PCDHAC1: variants seen among roughly 807,000 people sequenced by gnomAD.
The protein encoded by PCDHAC1 is protocadherin alpha-C1.
In PCDHAC1, 42 loss-of-function variants were observed where a neutral mutation model predicts 60.0. That is an observed-to-expected ratio of 0.70 (90% CI 0.55 to 0.90). The LOEUF (loss-of-function observed/expected upper bound fraction) is 0.90. PCDHAC1 is among the 40% of genes least tolerant of loss of function. The probability of loss-of-function intolerance (pLI) is 0.00; values close to 1 mark genes in which losing one functional copy is unlikely to be tolerated. For missense variants in PCDHAC1, 1,160 were observed against 1,222.3 expected, an observed-to-expected ratio of 0.95 and a Z score of 0.76; for synonymous variants, 468 against 499.3, an observed-to-expected ratio of 0.94 and a Z score of 0.84.
chr5:140,991,482 G>A (rs781952323), intron 3 of PCDHAC1, among the ~76,000 whole-genome samples: 3 of 152,204 alleles, frequency 2.0e-5, no homozygotes, highest in Non-Finnish European at 4.4e-5. Flanking sequence ...CTGGAAGTCA[G>A]AAGTCCACAG....
intron 3 of PCDHAC1, among the ~76,000 whole-genome samples, chr5:140,990,473 C>G (rs1268910696): frequency 6.6e-6 from 1 of 152,186 alleles, no homozygotes; most frequent in Non-Finnish European, 1.5e-5. Flanking sequence ...TATCATGTAT[C>G]AAGCTGAATA....
Position 140,982,348 on chromosome 5 carries a change from T to C in PCDHAC1, c.2493-127T>C, listed in dbSNP as rs1253085859. 9 of 1,495,962 alleles carry C rather than the reference T, an allele frequency of 6.0e-6. No homozygotes were observed. The Admixed American group carries it at 1.7e-4, about 28-fold the overall frequency. 92.7% of individuals were successfully genotyped at this position (1,495,962 alleles called of 1,614,324 possible). On this transcript the variant is annotated intron_variant, in intron 2 of 3. Transcript: ENST00000253807. Reference sequence around the variant, plus strand: ...ACTGCTCAGCAGTAATTGCTTCAGTTCAAGCATGAGCAGAATGTGTTAGCT... The same window carrying C: ...ACTGCTCAGCAGTAATTGCTTCAGTCCAAGCATGAGCAGAATGTGTTAGCT...
rs370989006 is a variant in PCDHAC1, at chr5:141,009,739, C to G, written c.2694C>G (p.Pro898=). The G allele has an allele frequency of 1.2e-6, 2 of 1,614,010 alleles. No homozygotes were observed. Among genetic ancestry groups the G allele is most frequent in the Non-Finnish European group, 8.5e-7 (1 of 1,180,008 alleles). The change falls in exon 4 of 4, where the codon CCC becomes CCG. Residue 898 remains proline (P), a synonymous_variant. Transcript: ENST00000253807. ...AACAATCCGGTCCCGGTGAGTTGCCCGACAAATTCATTATCCCAGGATCTC... is the reference window on the plus strand; with the variant it reads ...AACAATCCGGTCCCGGTGAGTTGCCGGACAAATTCATTATCCCAGGATCTC... The part of the protein sequence containing the change: ...NPKQSGPGEL[P]DKFIIPGSPA...
At chr5:141,002,555 A>T (rs1349538713) in intron 3 of PCDHAC1, among the ~76,000 whole-genome samples, 1 of 152,222 alleles carries the variant, frequency 6.6e-6, no homozygotes, top group African/African-American at 2.4e-5. Flanking sequence ...CCCAGGATCC[A>T]CCAGTTAGTG....
rs78805068 is a variant in PCDHAC1, at chr5:140,928,696, C to T, written c.1804C>T (p.Arg602Trp). Residue 602 changes from arginine to tryptophan, a missense_variant, in exon 1 of 4, where the codon CGG (arginine) becomes TGG (tryptophan). This residue lies in a region of PCDHAC1 where 1,113 missense variants were observed against 1,163.7 expected (regional missense o/e 0.96). Transcript: ENST00000253807. ...SNAWLSYHIS[R>W]ASDSSLFRIS... ...TGCCTGGCTTTCCTACCACATCTCC[C>T]GGGCGTCTGACTCTAGTCTCTTTAG... The T allele has an allele frequency of 3.2e-3, 5,185 of 1,614,146 alleles. 27 individuals carry two copies. The highest frequency in any genetic ancestry group is 0.019 in the African/African-American group (1,449 of 75,020).
At chr5:140,966,063 C>T (rs2095963895) in intron 1 of PCDHAC1, 1 of 153,130 alleles carries the variant, frequency 6.5e-6, no homozygotes, top group African/African-American at 2.4e-5. Flanking sequence ...CAGAGCGCCT[C>T]CCCCTGCGTT....
chr5:140,980,810 GA>G (rs1410107766), intron 2 of PCDHAC1, among the ~76,000 whole-genome samples: 5 of 152,024 alleles, frequency 3.3e-5, no homozygotes, highest in Non-Finnish European at 7.4e-5. Context: ...GTAATACATT[GA>G]ACATATTAAA....
intron 1 of PCDHAC1, among the ~76,000 whole-genome samples, chr5:140,938,299 A>T (rs995168721): frequency 1.3e-5 from 2 of 152,192 alleles, no homozygotes; most frequent in Admixed American, 6.5e-5. Flanking sequence ...TTGCCTATGA[A>T]ATTCAGTATA....
At position 140,968,504 on chromosome 5, in the gene PCDHAC1, C is replaced by T. The variant is rs147528189; in HGVS notation, c.2434-10445C>T. 58 of 1,614,064 alleles carry T rather than the reference C, an allele frequency of 3.6e-5. No individual in the cohort carries two copies. In the African/African-American group the frequency reaches 6.7e-4, roughly 19 times the overall value. ...CATGAATGACCATGCCCCTCACATT[C>T]TGTACCCTACCTCAACCAACTCGTC... On this transcript the variant is annotated intron_variant, in intron 1 of 3. Transcript: ENST00000253807.
Position 140,982,457 on chromosome 5 carries a change from G to A in PCDHAC1, c.2493-18G>A, listed in dbSNP as rs782510565. 6.2e-7 allele frequency: 1 copy of A among 1,613,966 alleles called. No homozygotes were observed. Among genetic ancestry groups the A allele is most frequent in the African/African-American group, 1.3e-5 (1 of 74,916 alleles). ...AATTTATGATCTAACCGTTATCTGG[G>A]TCTGTGTGTTTATTCAGCTCTGTGC... On this transcript the variant is annotated intron_variant, in intron 2 of 3. Transcript: ENST00000253807.
intron 1 of PCDHAC1, among the ~76,000 whole-genome samples, chr5:140,965,730 C>T (rs1554227819): frequency 6.6e-6 from 1 of 152,166 alleles, no homozygotes; most frequent in East Asian, 1.9e-4. Flanking sequence ...AAAAATTTTA[C>T]CAGATTTTCC....
At chr5:140,962,384 A>G (rs1234630298) in intron 1 of PCDHAC1, among the ~76,000 whole-genome samples, 7 of 152,202 alleles carry the variant, frequency 4.6e-5, no homozygotes, top group Non-Finnish European at 8.8e-5. Context: ...ATCTGTTAAT[A>G]TTACGCAATC....
intron 3 of PCDHAC1, among the ~76,000 whole-genome samples, chr5:140,988,459 G>A (rs1554250155): frequency 6.6e-6 from 1 of 152,152 alleles, no homozygotes; most frequent in Admixed American, 6.5e-5. Context: ...AGGAAGCAAG[G>A]GTGTGGGAAG....
At position 140,929,166 on chromosome 5, in the gene PCDHAC1, C is replaced by T. The variant is rs782695019; in HGVS notation, c.2274C>T (p.Ala758=). ...TTTCTCAGACTTATCTCTATCGGGC[C>T]TCTCTGGGACTTGGTTCTGATAATA... is the stretch of plus-strand genomic sequence containing the variant. The part of the protein sequence containing the change: ...ERLSQTYLYR[A]SLGLGSDNNS... The change falls in exon 1 of 4, where the codon GCC becomes GCT. Residue 758 remains alanine, a synonymous_variant. Transcript: ENST00000253807. The T allele has an allele frequency of 6.2e-7, 1 of 1,614,146 alleles. No homozygotes were observed. Among genetic ancestry groups the T allele is most frequent in the Non-Finnish European group, 8.5e-7 (1 of 1,180,018 alleles).
At chr5:140,977,094 T>C (rs1291290436) in intron 1 of PCDHAC1, among the ~76,000 whole-genome samples, 1 of 152,206 alleles carries the variant, frequency 6.6e-6, no homozygotes, top group Non-Finnish European at 1.5e-5. Context: ...AATGTGTCAT[T>C]GGGGAAGTGA....
At chr5:140,978,424 TCA>T (rs2096801674) in intron 1 of PCDHAC1, among the ~76,000 whole-genome samples, 1 of 152,238 alleles carries the variant, frequency 6.6e-6, no homozygotes, top group Non-Finnish European at 1.5e-5. Flanking sequence ...GAGACTGTTA[TCA>T]GTTGCTGGTG....
Position 140,927,292 on chromosome 5 carries a change from C to G in PCDHAC1, c.400C>G (p.Pro134Ala), listed in dbSNP as rs782109776. Residue 134 changes from proline (P) to alanine (A), a missense_variant, in exon 1 of 4, where the codon CCC (proline) becomes GCC (alanine). This residue lies in a region of PCDHAC1 where 1,113 missense variants were observed against 1,163.7 expected (regional missense o/e 0.96). Transcript: ENST00000253807. ...FPAGDVQLHI[P>A]EFLTPGARFT... ...TGCCGGCGACGTGCAGCTGCACATCCCCGAGTTCCTGACGCCCGGAGCCCG... is the reference window on the plus strand; with the variant it reads ...TGCCGGCGACGTGCAGCTGCACATCGCCGAGTTCCTGACGCCCGGAGCCCG... The G allele has an allele frequency of 1.3e-5, 21 of 1,614,162 alleles. No individual in the cohort carries two copies. The highest frequency in any genetic ancestry group is 1.7e-6 in the Non-Finnish European group (2 of 1,180,030).
chr5:141,010,405 C>A lies in PCDHAC1; in HGVS notation c.*468C>A. The A allele has an allele frequency of 7.9e-7, 1 of 1,260,098 alleles. No homozygotes were observed. The highest frequency in any genetic ancestry group is 1.1e-6 in the Non-Finnish European group (1 of 934,062). The allele number at this position is 1,260,098 out of a possible 1,614,324, so 78.1% of individuals were successfully genotyped here. On this transcript the variant is annotated 3_prime_UTR_variant, in exon 4 of 4. Transcript: ENST00000253807. ...ATTGGCTGAGACGAGCCAGCTTAGACTAATTGGTACAAGGAAGGCAAGAAA... is the reference window on the plus strand; with the variant it reads ...ATTGGCTGAGACGAGCCAGCTTAGAATAATTGGTACAAGGAAGGCAAGAAA...
At chr5:140,982,589 T>C in intron 3 of PCDHAC1, 26 bp downstream of exon 3, 1 of 1,610,940 alleles carries the variant, frequency 6.2e-7, no homozygotes, top group Non-Finnish European at 8.5e-7. Context: ...CTCTCCATTC[T>C]TTCTTGGTTT....
Sources: gnomAD v4.1 joint callset for allele counts (sites outside exome capture counted in the v4.1 genomes callset) on GRCh38, gnomAD v4.1.1 for gene constraint, gnomAD v4.1.1 regional missense constraint, MANE v1.5 for transcripts, NCBI Gene and HGNC (gene_info 2026-07-23, HGNC 2026-07-21) for gene names.